The following OR51B5 variants were observed in gnomAD, a reference collection of about 807,000 sequenced individuals.
OR51B5 encodes olfactory receptor family 51 subfamily B member 5.
For synonymous variants in OR51B5, 186 were observed against 144.8 expected, an observed-to-expected ratio of 1.28 and a Z score of -2.04; for missense variants, 456 against 374.6, an observed-to-expected ratio of 1.22 and a Z score of -1.79.
intron 1 of OR51B5, among the ~76,000 whole-genome samples, chr11:5,382,747 C>T (rs896623516): frequency 2.6e-5 from 4 of 152,192 alleles, no homozygotes; most frequent in Non-Finnish European, 4.4e-5. Context: ...ATCACCCTGA[C>T]TCTCCTACAC....
intron 1 of OR51B5, among the ~76,000 whole-genome samples, chr11:5,388,934 G>A (rs957934449): frequency 1.3e-5 from 2 of 152,106 alleles, no homozygotes; most frequent in Non-Finnish European, 2.9e-5. Flanking sequence ...CATAAAACAT[G>A]ACATTTGACT....
At chr11:5,375,522 G>A (rs1321120229) in intron 1 of OR51B5, among the ~76,000 whole-genome samples, 1 of 152,164 alleles carries the variant, frequency 6.6e-6, no homozygotes, top group Admixed American at 6.5e-5. Flanking sequence ...CCAATTGAAA[G>A]ACACAGACTG....
At chr11:5,389,816 C>T (rs2133728465) in intron 1 of OR51B5, 1 of 1,613,952 alleles carries the variant, frequency 6.2e-7, no homozygotes, top group African/African-American at 1.3e-5. Context: ...GGCCATCTGC[C>T]ACCCTCTGAG....
intron 1 of OR51B5, among the ~76,000 whole-genome samples, chr11:5,420,522 C>T (rs1850317244): frequency 6.7e-6 from 1 of 149,936 alleles, no homozygotes; most frequent in Admixed American, 6.7e-5. Flanking sequence ...AGATAGTAAT[C>T]TCTTCCATAT....
chr11:5,422,125 G>A lies in OR51B5; in HGVS notation n.85-75215C>T, dbSNP rs1850348661. 5.2e-6 allele frequency: 6 copies of A among 1,156,356 alleles called. No individual in the cohort carries two copies. The East Asian group carries it at 7.1e-5, about 14-fold the overall frequency. 71.6% of individuals were successfully genotyped at this position (1,156,356 alleles called of 1,614,324 possible). Reference sequence around the variant, plus strand: ...TTGTGTAGAATTTGGATTAAATGGGGCAAAGAGATATTATTTCTAATGTTT... The same window carrying A: ...TTGTGTAGAATTTGGATTAAATGGGACAAAGAGATATTATTTCTAATGTTT... On this transcript the variant is annotated intron_variant and non_coding_transcript_variant, in intron 1 of 4. Coordinates refer to the OR51B5 transcript ENST00000415970.
chr11:5,355,574 A>G (rs1252868248), intron 1 of OR51B5: 1 of 152,408 alleles, frequency 6.6e-6, no homozygotes, highest in Non-Finnish European at 1.5e-5. Flanking sequence ...TCACTCTTGC[A>G]GTCCTGTATC....
intron 1 of OR51B5, among the ~76,000 whole-genome samples, chr11:5,498,835 G>A (rs1367331291): frequency 1.3e-5 from 2 of 152,138 alleles, no homozygotes; most frequent in Non-Finnish European, 2.9e-5. Flanking sequence ...TTAAATTCCA[G>A]TCTGACCAAT....
chr11:5,340,660 A>G (rs943857164), downstream of OR51B5: 3 of 152,170 alleles, frequency 2.0e-5, no homozygotes, highest in African/African-American at 7.2e-5. Flanking sequence ...TACAAGGCAA[A>G]AAGTAGAAGC....
At chr11:5,426,442 G>C (rs1315029659) in intron 1 of OR51B5, among the ~76,000 whole-genome samples, 2 of 152,110 alleles carry the variant, frequency 1.3e-5, no homozygotes, top group African/African-American at 4.8e-5. Flanking sequence ...CTCTCTTATA[G>C]TTATTAAATA....
At chr11:5,452,367 A>G (rs11037483) in intron 1 of OR51B5, among the ~76,000 whole-genome samples, 70,709 of 151,198 alleles carry the variant, frequency 0.47, 16,791 homozygotes, top group Non-Finnish European at 0.5. Context: ...TTAGCCGGGC[A>G]TGGTGGCGGG....
intron 1 of OR51B5, among the ~76,000 whole-genome samples, chr11:5,503,168 A>G (rs1846322051): frequency 1.3e-5 from 2 of 152,232 alleles, no homozygotes; most frequent in African/African-American, 4.8e-5. Flanking sequence ...TGTACAACTT[A>G]CATACATACA....
intron 1 of OR51B5, among the ~76,000 whole-genome samples, chr11:5,466,819 C>T (rs183093682): frequency 1.3e-5 from 2 of 152,250 alleles, no homozygotes; most frequent in Middle Eastern, 3.4e-3. Flanking sequence ...TGTGTCAGAG[C>T]GAAGTCTGGT....
Position 5,452,332 on chromosome 11 carries a change from G to A in OR51B5, n.84+53237C>T, listed in dbSNP as rs555581059. ...ATCCTGGCTAACACGGTGAAACCCC[G>A]TCTCTACTAAAACTACAAAAAAAAT... On this transcript the variant is annotated intron_variant and non_coding_transcript_variant, in intron 1 of 4. Transcript: ENST00000415970. Among the ~76,000 whole-genome samples the A allele has an allele frequency of 5.3e-5, 8 of 151,812 alleles. No homozygotes were observed. In the East Asian group the frequency reaches 1.2e-3, roughly 22 times the overall value.
chr11:5,403,116 C>T (rs747464757), intron 1 of OR51B5: 31 of 471,366 alleles, frequency 6.6e-5, no homozygotes, highest in Non-Finnish European at 1.3e-4. Context: ...CCTTCTGTGG[C>T]CACAATGCCC....
downstream of OR51B5, chr11:5,340,825 T>C (rs1418979073): frequency 6.6e-6 from 1 of 152,148 alleles, no homozygotes; most frequent in African/African-American, 2.4e-5. Context: ...AAGAAAACAG[T>C]GATAATATCT....
chr11:5,415,483 A>G (rs550814614), intron 1 of OR51B5, among the ~76,000 whole-genome samples: 121 of 152,090 alleles, frequency 8.0e-4, no homozygotes, highest in African/African-American at 1.8e-3. Flanking sequence ...TAATGAATCC[A>G]GGAGCTGGTT....
chr11:5,470,238 G>C (rs1564824116), intron 1 of OR51B5, among the ~76,000 whole-genome samples: 1 of 152,182 alleles, frequency 6.6e-6, no homozygotes, highest in Non-Finnish European at 1.5e-5. Context: ...GTGCAGCCAA[G>C]TGTGAGTATC....
At chr11:5,385,067 G>A (rs749541828) in intron 1 of OR51B5, among the ~76,000 whole-genome samples, 1 of 152,188 alleles carries the variant, frequency 6.6e-6, no homozygotes, top group African/African-American at 2.4e-5. Context: ...GTGAGGTAGA[G>A]AGCCAATTAC....
intron 1 of OR51B5, chr11:5,489,610 G>C: frequency 6.2e-7 from 1 of 1,613,886 alleles, no homozygotes; most frequent in Non-Finnish European, 8.5e-7. Flanking sequence ...TAGAACCAAG[G>C]AGATTCGGAG....
Sources: allele counts gnomAD v4.1 joint callset (sites outside exome capture counted in the v4.1 genomes callset), GRCh38; gene constraint gnomAD v4.1.1; transcripts MANE v1.5; gene names NCBI Gene and HGNC (gene_info 2026-07-23, HGNC 2026-07-21).